The following ZNF683 variants were observed in gnomAD, a reference collection of about 807,000 sequenced individuals.
The protein encoded by ZNF683 is tissue-resident T-cell transcription regulator protein ZNF683.
Under a neutral mutation model 31.4 loss-of-function variants are expected in ZNF683, and 20 were observed. That is an observed-to-expected ratio of 0.64 (90% CI 0.45 to 0.93). ZNF683 has a LOEUF of 0.93. ZNF683 is among the 40% of genes least tolerant of loss of function. The probability of loss-of-function intolerance (pLI) is 0.00; values close to 1 mark genes in which losing one functional copy is unlikely to be tolerated. For missense variants in ZNF683, 621 were observed against 637.2 expected (o/e 0.97, Z 0.27); for synonymous variants, 264 against 267.6 (o/e 0.99, Z 0.13).
chr1:26,365,298 C>A, intron 3 of ZNF683, 72 bp from the exon 4 acceptor site: 1 of 1,437,352 alleles, frequency 7.0e-7, no homozygotes, highest in South Asian at 1.4e-5. Context: ...CAAACCTGCC[C>A]TGCTCGGGGC....
At chr1:26,364,495 A>T (rs1450990571) in intron 4 of ZNF683, 37 bp downstream of exon 4, 1 of 1,607,024 alleles carries the variant, frequency 6.2e-7, no homozygotes, top group Non-Finnish European at 8.5e-7. Flanking sequence ...GCCCTGAAGG[A>T]TGTTGAGGGG....
At chr1:26,366,008 C>T (rs2074512521) in intron 3 of ZNF683, among the ~76,000 whole-genome samples, 2 of 152,034 alleles carry the variant, frequency 1.3e-5, no homozygotes, top group African/African-American at 4.8e-5. Context: ...TGGAGAAACC[C>T]CGTCTCTACT....
chr1:26,371,873 A>G (rs1570276560), intron 1 of ZNF683, among the ~76,000 whole-genome samples: 2 of 152,038 alleles, frequency 1.3e-5, no homozygotes, highest in East Asian at 3.9e-4. Flanking sequence ...TCGAGACTGC[A>G]GTGAGCTGAG....
intron 4 of ZNF683, 29 bp from the exon 5 acceptor site, chr1:26,363,183 A>G (rs777011539): frequency 1.9e-6 from 3 of 1,590,436 alleles, no homozygotes; most frequent in Admixed American, 3.4e-5. Flanking sequence ...AAATGCTGCC[A>G]ACTGCCCAGC....
At chr1:26,367,010 A>C (rs1028002993) in intron 3 of ZNF683, among the ~76,000 whole-genome samples, 5 of 152,158 alleles carry the variant, frequency 3.3e-5, no homozygotes, top group African/African-American at 1.2e-4. Context: ...CACATCTATA[A>C]TTCCAGCACT....
chr1:26,362,132 G>A lies in ZNF683; in HGVS notation c.1144-110C>T, dbSNP rs1177640179. 11 of 1,613,068 alleles carry A rather than the reference G, an allele frequency of 6.8e-6. No individual in the cohort carries two copies. The East Asian group carries it at 2.2e-4, about 33-fold the overall frequency. On this transcript the variant is annotated intron_variant, in intron 5 of 5. Coordinates refer to ENST00000349618, the MANE Select transcript of ZNF683 (RefSeq NM_001114759.3). ...ATGACCCACCTCTCTTTCCCTCCAG[G>A]CCTGGAAGCTTTTCCAGTGATTTCT...
intron 2 of ZNF683, 73 bp from the exon 3 acceptor site, chr1:26,367,870 C>G (rs2074568864): frequency 3.9e-6 from 5 of 1,269,286 alleles, no homozygotes; most frequent in Non-Finnish European, 5.3e-6. Context: ...GCCCCTACCC[C>G]TATTTTGTTT....
At chr1:26,367,858 T>C (rs2074568342) in intron 2 of ZNF683, 61 bp from the exon 3 acceptor site, 3 of 1,345,268 alleles carry the variant, frequency 2.2e-6, no homozygotes, top group South Asian at 1.5e-5. Flanking sequence ...GTCCCTTAGA[T>C]GGCCCCTACC....
In ZNF683 at chr1:26,367,771, T is replaced by C. The variant is rs1211241921; in HGVS notation, c.141A>G (p.Pro47=). The change falls in exon 3 of 6, where the codon CCA becomes CCG. Residue 47 remains proline, a synonymous_variant. Transcript: ENST00000349618. The part of the protein sequence containing the change: ...DQVFSACRPL[P]DMVDAHGPSC... ...ATGGGCCATGAGCATCCACCATGTC[T>C]GGAAGTGGTCTGCAGGCTGAGAAGA... The C allele has an allele frequency of 6.2e-7, 1 of 1,601,384 alleles. No homozygotes were observed. The highest frequency in any genetic ancestry group is 1.7e-5 in the Admixed American group (1 of 58,800).
At chr1:26,372,544 C>G in intron 1 of ZNF683, 125 bp downstream of exon 1, 1 of 1,304,970 alleles carries the variant, frequency 7.7e-7, no homozygotes, top group Non-Finnish European at 1.0e-6. Flanking sequence ...CCTTTGGCTT[C>G]CATCTGCCAG....
At chr1:26,362,368 T>A (rs189342634) in intron 5 of ZNF683, among the ~76,000 whole-genome samples, 2 of 152,300 alleles carry the variant, frequency 1.3e-5, no homozygotes, top group African/African-American at 4.8e-5. Flanking sequence ...GCAGCTTCAG[T>A]AGATTGTAAT....
At chr1:26,374,483 C>T (rs2074723231), upstream of ZNF683, 1 of 1,139,762 alleles carries the variant, frequency 8.8e-7, no homozygotes, top group Admixed American at 3.6e-5. Context: ...CTCAGGTTCC[C>T]ACGTGGAGAA....
In ZNF683 at chr1:26,372,730, G is replaced by C. The variant is rs185387165; in HGVS notation, c.-76C>G. 7.3e-6 allele frequency: 9 copies of C among 1,232,536 alleles called. No homozygotes were observed. Among genetic ancestry groups the C allele is most frequent in the South Asian group, 4.3e-5 (3 of 70,202 alleles). The allele number at this position is 1,232,536 out of a possible 1,614,324, so 76.3% of individuals were successfully genotyped here. On this transcript the variant is annotated 5_prime_UTR_variant, in exon 1 of 6. Coordinates refer to ENST00000349618, the MANE Select transcript of ZNF683 (RefSeq NM_001114759.3). ...GGTCTGGGTCAAGGCATCTGCTCAGGTTCCTCAGTTAGAAGACCATGGTCC... is the reference window on the plus strand; with the variant it reads ...GGTCTGGGTCAAGGCATCTGCTCAGCTTCCTCAGTTAGAAGACCATGGTCC...
intron 1 of ZNF683, chr1:26,372,455 C>T (rs2074690973): frequency 7.7e-7 from 1 of 1,299,616 alleles, no homozygotes; most frequent in African/African-American, 1.5e-5. Context: ...TAATTCCAAC[C>T]TCCCTCACCA....
In ZNF683 at chr1:26,364,564, C is replaced by T; in HGVS notation, c.982G>A (p.Gly328Ser). The change falls in exon 4 of 6, where the codon GGC (glycine) becomes AGC (serine). Residue 328 changes from glycine (G) to serine (S), a missense_variant. By Grantham distance (56) the Gly-to-Ser change is moderately conservative. Transcript: ENST00000349618. ...GKILYECNICGKSFGQLSNLK... is the reference protein window; with the variant it reads ...GKILYECNICSKSFGQLSNLK... ...TTGGAGAGCTGCCCAAAGCTCTTGC[C>T]ACATATGTTGCACTCGTACAGGATT... 1 of 1,613,974 alleles carries T rather than the reference C, an allele frequency of 6.2e-7. No homozygotes were observed. Among genetic ancestry groups the T allele is most frequent in the Non-Finnish European group, 8.5e-7 (1 of 1,179,892 alleles).
chr1:26,370,290 GCCCAGCTCAGCGCTCTCAC>G (rs2074638158), intron 1 of ZNF683, among the ~76,000 whole-genome samples: 1 of 152,100 alleles, frequency 6.6e-6, no homozygotes, highest in Non-Finnish European at 1.5e-5. Context: ...CACCCAGGCT[GCCCAGCTCAGCGCTCTCAC>G]CAGGAATAAA....
At chr1:26,373,398 A>T (rs1019413397), upstream of ZNF683, 2 of 152,196 alleles carry the variant, frequency 1.3e-5, no homozygotes, top group Non-Finnish European at 2.9e-5. Flanking sequence ...AAAATAAAAT[A>T]AAATACAATA....
chr1:26,363,038 G>C lies in ZNF683; in HGVS notation c.1131C>G (p.Pro377=). 2 of 1,610,842 alleles carry C rather than the reference G, an allele frequency of 1.2e-6. No homozygotes were observed. Among genetic ancestry groups the C allele is most frequent in the Non-Finnish European group, 1.7e-6 (2 of 1,178,408 alleles). ...AGAAGGATCTCACCGAGCACTTGTG[G>C]GGCCGCTCCCCAGTGTGCACCAGGT... The part of the protein sequence containing the change: ...KHHLVHTGER[P]HKCSVCHKRF... The change falls in exon 5 of 6, where the codon CCC becomes CCG. Residue 377 remains proline, a synonymous_variant. Coordinates refer to ENST00000349618, the MANE Select transcript of ZNF683 (RefSeq NM_001114759.3).
upstream of ZNF683, among the ~76,000 whole-genome samples, chr1:26,373,794 A>G (rs533583370): frequency 1.3e-5 from 2 of 152,324 alleles, no homozygotes; most frequent in South Asian, 2.1e-4. Flanking sequence ...TGTCCAAGGA[A>G]CAGAGTAAAT....
Sources: allele counts gnomAD v4.1 joint callset (sites outside exome capture counted in the v4.1 genomes callset), GRCh38; gene constraint gnomAD v4.1.1; transcripts MANE v1.5; gene names NCBI Gene and HGNC (gene_info 2026-07-23, HGNC 2026-07-21).